Variants in MAGT1 observed in about 807,000 individuals in gnomAD.
MAGT1 encodes the protein magnesium transporter 1.
In MAGT1, 4 loss-of-function variants were observed where a neutral mutation model predicts 28.4. The ratio of observed to expected loss-of-function variants is 0.14; its 90% CI spans 0.07 to 0.32. The LOEUF is 0.32. MAGT1 is among the 10% of genes least tolerant of loss of function. The pLI is 1.00. For synonymous variants in MAGT1, 89 were observed against 89.7 expected, an observed-to-expected ratio of 0.99 and a Z score of 0.04; for missense variants, 193 against 264.5, an observed-to-expected ratio of 0.73 and a Z score of 1.88.
intron 3 of MAGT1, among the ~76,000 whole-genome samples, chrX:77,867,337 T>C (rs2077010681): frequency 1.5e-5 from 1 of 66,633 alleles, no homozygotes. Flanking sequence ...TGTTGTTTTC[T>C]TAAGAGTTGG....
At chrX:77,840,763 G>A (rs1444336999) in intron 8 of MAGT1, among the ~76,000 whole-genome samples, 1 of 111,537 alleles carries the variant, frequency 9.0e-6, no homozygotes, top group Non-Finnish European at 1.9e-5. Context: ...AGGACAGCTT[G>A]AGCCTAGGGG....
chrX:77,845,616 C>A (rs1181282260), intron 7 of MAGT1, among the ~76,000 whole-genome samples: 48 of 111,559 alleles, frequency 4.3e-4, no homozygotes, highest in South Asian at 7.5e-4. Flanking sequence ...TTCAGGAGCT[C>A]TTGTCGGGCA....
At chrX:77,853,251 A>T (rs2149017155) in intron 7 of MAGT1, among the ~76,000 whole-genome samples, 1 of 112,275 alleles carries the variant, frequency 8.9e-6, no homozygotes, top group Non-Finnish European at 1.9e-5. Context: ...GTAAAATGTC[A>T]AAATATCCCC....
chrX:77,891,442 G>A (rs1316628620), intron 1 of MAGT1, among the ~76,000 whole-genome samples: 1 of 110,518 alleles, frequency 9.0e-6, no homozygotes. Context: ...ATCACCTCAA[G>A]GGATCCTCCC....
intron 1 of MAGT1, among the ~76,000 whole-genome samples, chrX:77,892,897 T>C (rs2149030739): frequency 8.9e-6 from 1 of 112,201 alleles, no homozygotes; most frequent in East Asian, 2.8e-4. Flanking sequence ...GTTGAGGACA[T>C]TTTGACAGAA....
chrX:77,870,459 T>A (rs1259292396), intron 3 of MAGT1, among the ~76,000 whole-genome samples: 1 of 111,423 alleles, frequency 9.0e-6, no homozygotes, highest in African/African-American at 3.3e-5. Flanking sequence ...ATAGTATAGA[T>A]AGCTATACTA....
At chrX:77,849,435 G>T (rs2076960940) in intron 7 of MAGT1, among the ~76,000 whole-genome samples, 1 of 110,943 alleles carries the variant, frequency 9.0e-6, no homozygotes, top group African/African-American at 3.3e-5. Flanking sequence ...AACCCATAGT[G>T]TTAGCAGTCA....
chrX:77,877,614 A>G (rs1198428697), intron 1 of MAGT1, among the ~76,000 whole-genome samples: 1 of 109,460 alleles, frequency 9.1e-6, no homozygotes, highest in Non-Finnish European at 1.9e-5. Context: ...GGAGTTCGAG[A>G]ACAGCCTGGC....
intron 3 of MAGT1, among the ~76,000 whole-genome samples, chrX:77,869,451 C>T (rs2077015147): frequency 8.9e-6 from 1 of 112,143 alleles, no homozygotes; most frequent in Non-Finnish European, 1.9e-5. Flanking sequence ...GAATAATCTG[C>T]AGAGTAAACC....
chrX:77,871,054 T>C lies in MAGT1; in HGVS notation c.273-129A>G. 16 of 532,194 alleles carry C rather than the reference T, an allele frequency of 3.0e-5. No individual in the cohort carries two copies. The South Asian group carries it at 3.4e-4, about 11-fold the overall frequency. The allele number at this position is 532,194 out of a possible 1,213,427, so 43.9% of individuals were successfully genotyped here. A position where few individuals can be genotyped will look rare whatever the true frequency, so the allele number is the denominator to read the frequency against. ...CAATGGGAGAAATAATAAAAAACAC[T>C]GACAAGTAGGTCAGACTCTGCTGAC... On this transcript the variant is annotated intron_variant, in intron 2 of 9. Coordinates refer to ENST00000618282, the MANE Select transcript of MAGT1 (RefSeq NM_001367916.1).
chrX:77,836,460 A>C (rs1274856839), intron 8 of MAGT1, among the ~76,000 whole-genome samples: 1 of 112,064 alleles, frequency 8.9e-6, no homozygotes, highest in Non-Finnish European at 1.9e-5. Flanking sequence ...TGTGACTATT[A>C]CACATTGCAT....
chrX:77,884,687 T>TA (rs2077062300), intron 1 of MAGT1, among the ~76,000 whole-genome samples: 1 of 108,598 alleles, frequency 9.2e-6, no homozygotes, highest in African/African-American at 3.4e-5. Context: ...TACATGCCAG[T>TA]AGCACCCTCC....
rs140073834 is a variant in MAGT1, at chrX:77,895,360, C to T, written c.51G>A (p.Ala17=). Reference sequence around the variant, plus strand: ...AGGGAACGTCGCAAACGATGAGCAGCGCCACCACCATGGTCACAGAGACAC... The same window carrying T: ...AGGGAACGTCGCAAACGATGAGCAGTGCCACCACCATGGTCACAGAGACAC... ...FWCVSVTMVV[A]LLIVCDVPSA... Residue 17 remains alanine (A), a synonymous_variant, in exon 1 of 10, where the codon GCG becomes GCA. Transcript: ENST00000618282. 1.7e-6 allele frequency: 2 copies of T among 1,210,719 alleles called. No homozygotes were observed. The highest frequency in any genetic ancestry group is 3.5e-5 in the African/African-American group (2 of 57,367).
intron 1 of MAGT1, among the ~76,000 whole-genome samples, chrX:77,884,807 G>A (rs781969013): frequency 2.8e-5 from 3 of 108,489 alleles, no homozygotes; most frequent in African/African-American, 6.7e-5. Context: ...AAAAAAGGCC[G>A]GGCGCAGTGG....
chrX:77,894,007 C>T (rs2077091674), intron 1 of MAGT1, among the ~76,000 whole-genome samples: 1 of 112,208 alleles, frequency 8.9e-6, no homozygotes, highest in Non-Finnish European at 1.9e-5. Context: ...TCCCAACTGC[C>T]TAGAGATAGC....
intron 8 of MAGT1, among the ~76,000 whole-genome samples, chrX:77,832,330 C>A (rs1378559053): frequency 1.1e-4 from 12 of 110,598 alleles, no homozygotes; most frequent in Non-Finnish European, 3.8e-5. Context: ...CTTTTGGCTT[C>A]CCAGGGCCGT....
intron 1 of MAGT1, among the ~76,000 whole-genome samples, chrX:77,887,797 CA>C (rs1207235045): frequency 8.9e-6 from 1 of 112,190 alleles, no homozygotes; most frequent in African/African-American, 3.2e-5. Flanking sequence ...ACTCCTAATG[CA>C]AATACTTTTC....
intron 8 of MAGT1, among the ~76,000 whole-genome samples, chrX:77,834,321 C>CATATATGTATATATATGCAT (rs2076910005): frequency 1.0e-5 from 1 of 98,096 alleles, no homozygotes; most frequent in East Asian, 3.2e-4. Context: ...TATATATATG[C>CATATATGTATATATATGCAT]ATATATATAT....
intron 7 of MAGT1, among the ~76,000 whole-genome samples, chrX:77,847,509 C>T (rs1174198195): frequency 3.6e-5 from 4 of 112,207 alleles, no homozygotes; most frequent in African/African-American, 3.2e-5. Context: ...AGAAATCACC[C>T]GTCTTCTGTG....
Sources: gnomAD v4.1 joint callset for allele counts (sites outside exome capture counted in the v4.1 genomes callset) on GRCh38, gnomAD v4.1.1 for gene constraint, MANE v1.5 for transcripts, NCBI Gene and HGNC (gene_info 2026-07-23, HGNC 2026-07-21) for gene names.